UBE3C: variants seen among roughly 807,000 people sequenced by gnomAD.
UBE3C encodes ubiquitin-protein ligase E3C.
In UBE3C, 42 loss-of-function variants were observed where a neutral mutation model predicts 129.4. The ratio of observed to expected loss-of-function variants is 0.32; its 90% CI spans 0.25 to 0.42. The LOEUF (loss-of-function observed/expected upper bound fraction) is 0.42. UBE3C is among the 10% of genes least tolerant of loss of function. The pLI, the probability that UBE3C is intolerant of heterozygous loss-of-function variation, is 1.00. For synonymous variants in UBE3C, 510 were observed against 492.4 expected, an observed-to-expected ratio of 1.04 and a Z score of -0.47; for missense variants, 1,049 against 1,319.1, an observed-to-expected ratio of 0.80 and a Z score of 3.17.
In UBE3C at chr7:157,207,918, T is replaced by C; in HGVS notation, c.1792T>C (p.Trp598Arg). 6.3e-7 allele frequency: 1 copy of C among 1,591,976 alleles called. No homozygotes were observed. The highest frequency in any genetic ancestry group is 8.5e-7 in the Non-Finnish European group (1 of 1,171,330). The change falls in exon 13 of 23, where the codon TGG becomes CGG. Residue 598 changes from tryptophan to arginine, a missense_variant. Around this residue, in one of 4 missense-constraint regions of UBE3C, gnomAD observed 314 missense variants for 416.9 expected, o/e 0.75. Coordinates refer to ENST00000348165, the MANE Select transcript of UBE3C (RefSeq NM_014671.3). ...QQCIQMEQKR[W>R]IQLFKVITNL... Reference sequence around the variant, plus strand: ...ATGCATACAGATGGAACAGAAAAGATGGATTCAGTTATTTAAGGTATAGAG... The same window carrying C: ...ATGCATACAGATGGAACAGAAAAGACGGATTCAGTTATTTAAGGTATAGAG...
At chr7:157,220,561 G>T in intron 14 of UBE3C, 128 bp from the exon 15 acceptor site, 2 of 904,166 alleles carry the variant, frequency 2.2e-6, no homozygotes. Flanking sequence ...GGACATGAAG[G>T]TATGAGGTCA....
chr7:157,223,226 C>A (rs773253095), intron 15 of UBE3C, 28 bp from the exon 16 acceptor site: 1 of 1,607,766 alleles, frequency 6.2e-7, no homozygotes, highest in Non-Finnish European at 8.5e-7. Context: ...TACAAGTGAA[C>A]TAATTAAGGT....
At chr7:157,251,437 A>G (rs1441116182) in intron 19 of UBE3C, among the ~76,000 whole-genome samples, 1 of 152,248 alleles carries the variant, frequency 6.6e-6, no homozygotes, top group East Asian at 1.9e-4. Flanking sequence ...TCTGTTAGGT[A>G]GAAAAGATTG....
At chr7:157,193,080 C>T (rs970311247) in intron 10 of UBE3C, among the ~76,000 whole-genome samples, 1 of 152,206 alleles carries the variant, frequency 6.6e-6, no homozygotes, top group African/African-American at 2.4e-5. Context: ...GTGTCTAAGG[C>T]TTACCTCCTA....
At chr7:157,242,707 T>C (rs1292159790) in intron 18 of UBE3C, among the ~76,000 whole-genome samples, 1 of 151,632 alleles carries the variant, frequency 6.6e-6, no homozygotes, top group Non-Finnish European at 1.5e-5. Flanking sequence ...GGGTCAGGGG[T>C]TTCTGTGTTT....
rs369820166 is a variant in UBE3C, at chr7:157,182,250, G to A, written c.913G>A (p.Glu305Lys). 1.2e-6 allele frequency: 2 copies of A among 1,614,114 alleles called. No homozygotes were observed. The highest frequency in any genetic ancestry group is 1.7e-6 in the Non-Finnish European group (2 of 1,180,044). ...CTTTCTGAATGCACTGTTGTTAATAGAGAGTAGATGTTCAAGAAAGAGTGG... is the reference window on the plus strand; with the variant it reads ...CTTTCTGAATGCACTGTTGTTAATAAAGAGTAGATGTTCAAGAAAGAGTGG... ...EPFLNALLLI[E>K]SRCSRKSGGA... The change falls in exon 8 of 23, where the codon GAG (glutamate) becomes AAG (lysine). Residue 305 changes from glutamate (E) to lysine (K), a missense_variant. This residue lies in a region of UBE3C where 489 missense variants were observed against 513.8 expected (regional missense o/e 0.95). Transcript: ENST00000348165.
intron 8 of UBE3C, 67 bp downstream of exon 8, chr7:157,182,395 A>G: frequency 6.6e-7 from 1 of 1,508,100 alleles, no homozygotes; most frequent in Non-Finnish European, 9.1e-7. Flanking sequence ...GAGTCAAGAG[A>G]AGGCCATGCA....
chr7:157,239,714 G>C (rs1053586801), intron 18 of UBE3C, among the ~76,000 whole-genome samples: 4 of 152,186 alleles, frequency 2.6e-5, no homozygotes, highest in Non-Finnish European at 4.4e-5. Flanking sequence ...AACAGCATGT[G>C]TATTTGCTGC....
At chr7:157,261,306 GAAAAAAAAAA>G (rs57114090) in intron 22 of UBE3C, among the ~76,000 whole-genome samples, 52 of 78,030 alleles carry the variant, frequency 6.7e-4, no homozygotes, top group Middle Eastern at 9.1e-3. Context: ...AACTCTGTCT[GAAAAAAAAAA>G]AAAAAAAAAA....
chr7:157,192,671 G>A (rs1375069233), intron 10 of UBE3C: 7 of 770,552 alleles, frequency 9.1e-6, no homozygotes, highest in Middle Eastern at 3.6e-4. Flanking sequence ...TGGCTGTCCT[G>A]AAGTATTAGA....
intron 22 of UBE3C, among the ~76,000 whole-genome samples, chr7:157,262,063 C>G (rs1796930261): frequency 6.6e-6 from 1 of 152,194 alleles, no homozygotes; most frequent in Non-Finnish European, 1.5e-5. Context: ...TATCCAGTGA[C>G]TTTGCCAGCA....
chr7:157,147,501 A>G (rs984540002), intron 1 of UBE3C, among the ~76,000 whole-genome samples: 1 of 152,126 alleles, frequency 6.6e-6, no homozygotes, highest in East Asian at 1.9e-4. Flanking sequence ...TTCCTTCCTG[A>G]TCTGTATGCC....
At chr7:157,247,497 G>T (rs149026482) in intron 18 of UBE3C, among the ~76,000 whole-genome samples, 1 of 152,168 alleles carries the variant, frequency 6.6e-6, no homozygotes, top group Non-Finnish European at 1.5e-5. Context: ...TTTGAGAAAA[G>T]CCTGGCCAAT....
At chr7:157,198,500 G>A (rs1025826873) in intron 10 of UBE3C, 10 of 387,748 alleles carry the variant, frequency 2.6e-5, no homozygotes, top group Middle Eastern at 7.9e-4. Context: ...CAGGGCCGCC[G>A]CCCTCCGCCA....
chr7:157,187,735 C>T (rs941523276), intron 10 of UBE3C, among the ~76,000 whole-genome samples: 4 of 151,910 alleles, frequency 2.6e-5, no homozygotes, highest in Non-Finnish European at 5.9e-5. Flanking sequence ...CGCCACCTCG[C>T]CCGGCTAATT....
chr7:157,177,256 AC>A (rs1477763245), intron 5 of UBE3C, among the ~76,000 whole-genome samples: 3 of 152,186 alleles, frequency 2.0e-5, no homozygotes, highest in African/African-American at 7.2e-5. Context: ...ACTAATGATG[AC>A]GGGTGTTTCT....
chr7:157,188,154 G>GCTAGCAA (rs1338018682), intron 10 of UBE3C, among the ~76,000 whole-genome samples: 4 of 152,182 alleles, frequency 2.6e-5, no homozygotes, highest in Non-Finnish European at 5.9e-5. Context: ...AGGACCCAAG[G>GCTAGCAA]GACTGATGTT....
chr7:157,265,484 G>T (rs1017169420), intron 22 of UBE3C, among the ~76,000 whole-genome samples: 2 of 152,168 alleles, frequency 1.3e-5, no homozygotes, highest in Non-Finnish European at 2.9e-5. Context: ...CCCTAACACG[G>T]TTTTTGCCTA....
intron 7 of UBE3C, 52 bp downstream of exon 7, chr7:157,181,723 G>T (rs762074411): frequency 2.0e-5 from 32 of 1,581,100 alleles, no homozygotes; most frequent in Admixed American, 1.2e-4. Context: ...ATCTATATCT[G>T]ATGGTAACTT....
Sources: gnomAD v4.1 joint callset for allele counts (sites outside exome capture counted in the v4.1 genomes callset) on GRCh38, gnomAD v4.1.1 for gene constraint, gnomAD v4.1.1 regional missense constraint, MANE v1.5 for transcripts, NCBI Gene and HGNC (gene_info 2026-07-23, HGNC 2026-07-21) for gene names.